Variants in ING5 observed in about 807,000 individuals in gnomAD.
ING5 encodes the protein inhibitor of growth family member 5.
ING5 carries 17 observed loss-of-function variants against 37.4 expected under a neutral mutation model. That is an observed-to-expected ratio of 0.45 (90% CI 0.31 to 0.68). The LOEUF (loss-of-function observed/expected upper bound fraction) is 0.68, where lower values mean the gene tolerates loss of function less well. ING5 is among the 30% of genes least tolerant of loss of function. ING5 has a pLI of 0.05. For missense variants in ING5, 233 were observed against 311.9 expected (o/e 0.75, Z 1.91); for synonymous variants, 123 against 116.6 (o/e 1.06, Z -0.36).
exon 1 of ING5, chr2:241,687,971 A>G (rs2069475388): frequency 6.6e-6 from 1 of 152,236 alleles, no homozygotes; most frequent in Non-Finnish European, 1.5e-5. Flanking sequence ...GAGAGGTGGA[A>G]AAAGTCCCGC....
upstream of ING5, among the ~76,000 whole-genome samples, chr2:241,700,120 T>TTACAGGCA: frequency 6.7e-6 from 1 of 150,326 alleles, no homozygotes; most frequent in Non-Finnish European, 1.5e-5. Context: ...GTAGCTGGGA[T>TTACAGGCA]TACAGGCACC....
At position 241,728,284 on chromosome 2, in the gene ING5, C is replaced by T. The variant is rs1382626892; in HGVS notation, c.*3253C>T. On this transcript the variant is annotated 3_prime_UTR_variant, in exon 8 of 8. Coordinates refer to ENST00000313552, the MANE Select transcript of ING5 (RefSeq NM_032329.6). The stretch of plus-strand genomic sequence containing the variant: ...CACGCCTTGCTCCAGAAGGCCTGGC[C>T]GCCTTCTCCCTGGGGGTGATTCAAG... The T allele has an allele frequency of 7.9e-5, 12 of 152,810 alleles. No homozygotes were observed. Among genetic ancestry groups the T allele is most frequent in the Admixed American group, 6.5e-4 (10 of 15,284 alleles). The allele number at this position is 152,810 out of a possible 1,614,324, so 9.5% of individuals were successfully genotyped here.
At chr2:241,704,212 A>G (rs2069830978) in intron 1 of ING5, among the ~76,000 whole-genome samples, 1 of 152,162 alleles carries the variant, frequency 6.6e-6, no homozygotes, top group Non-Finnish European at 1.5e-5. Context: ...ATGAGATCAC[A>G]GTCCTTCCGC....
upstream of ING5, among the ~76,000 whole-genome samples, chr2:241,699,948 A>C (rs1333072911): frequency 1.3e-5 from 2 of 152,034 alleles, no homozygotes; most frequent in East Asian, 1.9e-4. Context: ...GCAGAGAAGA[A>C]TCACCCCAAA....
rs1372422908 is a variant in ING5 at position 241,722,930 on chromosome 2, C to T, written c.483-9C>T. ...GCCTTCAGTGGTGCCTGTGCCCTGT[C>T]CCCTGCAGGTCTGAGTTCACTGACA... On this transcript the variant is annotated splice_polypyrimidine_tract_variant and intron_variant, in intron 5 of 7. Coordinates refer to ENST00000313552, the MANE Select transcript of ING5 (RefSeq NM_032329.6). The T allele has an allele frequency of 6.2e-7, 1 of 1,613,688 alleles. No individual in the cohort carries two copies. The highest frequency in any genetic ancestry group is 8.5e-7 in the Non-Finnish European group (1 of 1,180,022).
intron 5 of ING5, among the ~76,000 whole-genome samples, chr2:241,713,194 C>T (rs2070169007): frequency 6.6e-6 from 1 of 150,896 alleles, no homozygotes; most frequent in South Asian, 2.1e-4. Context: ...ATAGCTGCAA[C>T]TACAAGTGCG....
chr2:241,701,971 C>A (rs1043478515), upstream of ING5: 3 of 854,624 alleles, frequency 3.5e-6, no homozygotes, highest in East Asian at 3.8e-5. Flanking sequence ...TCAGCGCGCG[C>A]GACTCATGAA....
intron 5 of ING5, chr2:241,721,616 T>G: frequency 2.0e-6 from 2 of 985,412 alleles, no homozygotes; most frequent in Non-Finnish European, 2.4e-6. Context: ...ATCGTGACTG[T>G]TTTTCTCACG....
intron 2 of ING5, among the ~76,000 whole-genome samples, chr2:241,692,266 A>C (rs2069567612): frequency 6.6e-6 from 1 of 151,960 alleles, no homozygotes; most frequent in South Asian, 2.1e-4. Flanking sequence ...CAACTTGAAC[A>C]TTATGAAACC....
Position 241,722,949 on chromosome 2 carries a change from A to G in ING5, c.493A>G (p.Thr165Ala). 1 of 1,613,996 alleles carries G rather than the reference A, an allele frequency of 6.2e-7. No individual in the cohort carries two copies. The highest frequency in any genetic ancestry group is 2.2e-5 in the East Asian group (1 of 44,878). ...KKKHKGGSEF[T>A]DTILSVHPSD... ...CCCTGTCCCCTGCAGGTCTGAGTTC[A>G]CTGACACCATCCTGTCCGTGCACCC... is the stretch of plus-strand genomic sequence containing the variant. The change falls in exon 6 of 8, where the codon ACT becomes GCT. Residue 165 changes from threonine to alanine, a missense_variant. Physicochemically the swap from Thr to Ala is moderately conservative, Grantham distance 58. Transcript: ENST00000313552.
rs145719458 is a variant in ING5, at chr2:241,706,559, C to T, written c.109+1835C>T. 8.6e-3 allele frequency among the ~76,000 whole-genome samples: 1,205 copies of T among 140,208 alleles called. 17 individuals are homozygous for T. The highest frequency in any genetic ancestry group is 0.03 in the African/African-American group (1,151 of 38,174). The allele number at this position is 140,208 out of a possible 152,430, so 92.0% of individuals were successfully genotyped here. ...CAGGAGAATCACTTGAACCTGGAGG[C>T]GGAGGTTGCACCTGGAGATCGCACC... On this transcript the variant is annotated intron_variant, in intron 2 of 7. Transcript: ENST00000313552.
intron 5 of ING5, among the ~76,000 whole-genome samples, chr2:241,715,791 A>G (rs1426683931): frequency 6.9e-6 from 1 of 145,508 alleles, no homozygotes; most frequent in Non-Finnish European, 1.5e-5. Context: ...CTGACCTAGA[A>G]TTTTTTTTTT....
At chr2:241,696,596 G>C (rs560655191) in intron 2 of ING5, among the ~76,000 whole-genome samples, 3 of 151,790 alleles carry the variant, frequency 2.0e-5, no homozygotes, top group Non-Finnish European at 4.4e-5. Context: ...GACCAGCCTG[G>C]GCAACATAGA....
chr2:241,699,537 T>A (rs1215959655), upstream of ING5, among the ~76,000 whole-genome samples: 1 of 152,092 alleles, frequency 6.6e-6, no homozygotes, highest in Non-Finnish European at 1.5e-5. Context: ...CAGCCTCTCA[T>A]GGTGATCATA....
At chr2:241,696,786 AAAT>A (rs1433080775) in intron 2 of ING5, among the ~76,000 whole-genome samples, 4 of 152,196 alleles carry the variant, frequency 2.6e-5, no homozygotes, top group South Asian at 4.1e-4. Flanking sequence ...CTGACTCTAA[AAAT>A]AATAATAACC....
At position 241,728,724 on chromosome 2, in the gene ING5, G is replaced by A. The variant is rs952916625; in HGVS notation, c.*3693G>A. The A allele has an allele frequency of 6.6e-6, 1 of 152,174 alleles. No individual in the cohort carries two copies. The highest frequency in any genetic ancestry group is 2.4e-5 in the African/African-American group (1 of 41,424). 9.4% of individuals were successfully genotyped at this position (152,174 alleles called of 1,614,324 possible). ...CTGGGCGGGTGGACATGAGACCACT[G>A]TTGGCCAGGGACGCCGTGCGGAGGC... On this transcript the variant is annotated 3_prime_UTR_variant, in exon 8 of 8. Transcript: ENST00000313552.
intron 2 of ING5, among the ~76,000 whole-genome samples, chr2:241,693,241 C>T (rs1420279668): frequency 8.3e-6 from 1 of 119,820 alleles, no homozygotes; most frequent in African/African-American, 3.4e-5. Context: ...GGCGACAGGG[C>T]GAGACTGTCT....
chr2:241,709,595 A>G (rs553381836), intron 3 of ING5, among the ~76,000 whole-genome samples: 25 of 101,474 alleles, frequency 2.5e-4, no homozygotes, highest in African/African-American at 9.6e-4. Flanking sequence ...TTGTTTGTGT[A>G]TCTGCTCGGA....
In ING5 at chr2:241,718,928, C is replaced by T. The variant is rs554491958; in HGVS notation, c.483-4011C>T. Among the ~76,000 whole-genome samples, 286 of 152,282 alleles carry T rather than the reference C, an allele frequency of 1.9e-3. 3 individuals carry two copies. Among genetic ancestry groups the T allele is most frequent in the African/African-American group, 6.5e-3 (271 of 41,552 alleles). On this transcript the variant is annotated intron_variant, in intron 5 of 7. Coordinates refer to ENST00000313552, the MANE Select transcript of ING5 (RefSeq NM_032329.6). The stretch of plus-strand genomic sequence containing the variant: ...CTATTTCCCTGCTGAGGGTACATGT[C>T]TCATGATTTATTAGCTGTCTGACTT...
Sources: gnomAD v4.1 joint callset for allele counts (sites outside exome capture counted in the v4.1 genomes callset) on GRCh38, gnomAD v4.1.1 for gene constraint, MANE v1.5 for transcripts, NCBI Gene and HGNC (gene_info 2026-07-23, HGNC 2026-07-21) for gene names.